The following MTFR1 variants were observed in gnomAD, a reference collection of about 807,000 sequenced individuals.
MTFR1 encodes chondrocyte protein with a poly-proline region.
Under a neutral mutation model 38.8 loss-of-function variants are expected in MTFR1, and 28 were observed. The ratio of observed to expected loss-of-function variants is 0.72; its 90% CI spans 0.53 to 0.99. MTFR1 has a LOEUF of 0.99. Among genes scored for constraint, MTFR1 ranks in the 50% least tolerant of loss-of-function variants. The pLI, the probability that MTFR1 is intolerant of heterozygous loss-of-function variation, is 0.00. For missense variants in MTFR1, 358 were observed against 395.5 expected (o/e 0.91, Z 0.81); for synonymous variants, 145 against 137.0 (o/e 1.06, Z -0.41).
At chr8:65,736,793 T>A (rs1182110174) in intron 3 of MTFR1, among the ~76,000 whole-genome samples, 1 of 150,214 alleles carries the variant, frequency 6.7e-6, no homozygotes, top group Non-Finnish European at 1.5e-5. Flanking sequence ...TTTATCTGTT[T>A]TTTTTTTTTT....
At chr8:65,745,320 G>A in intron 3 of MTFR1, 1 of 799,666 alleles carries the variant, frequency 1.3e-6, no homozygotes, top group Non-Finnish European at 2.2e-6. Flanking sequence ...CCTTAGTACA[G>A]TAAATGAAAG....
Position 65,762,710 on chromosome 8 carries a change from A to C in MTFR1, c.*49-8237A>C, listed in dbSNP as rs183193206. 3.0e-3 allele frequency among the ~76,000 whole-genome samples: 460 copies of C among 152,274 alleles called. 2 individuals are homozygous for C. The highest frequency in any genetic ancestry group is 3.0e-3 in the Non-Finnish European group (203 of 68,042). ...AATATCAAATATTTTTAAATATGTC[A>C]TACCATTTTTTTTAACAAAACCAGA... is the stretch of plus-strand genomic sequence containing the variant. On this transcript the variant is annotated intron_variant, in intron 3 of 3. Transcript: ENST00000521247.
At chr8:65,713,454 ACAC>A (rs1806012147), downstream of MTFR1, among the ~76,000 whole-genome samples, 1 of 129,920 alleles carries the variant, frequency 7.7e-6, no homozygotes, top group African/African-American at 3.0e-5. Context: ...ACACACACAC[ACAC>A]ACACACACAC....
At position 65,709,072 on chromosome 8, in the gene MTFR1, G is replaced by T. The variant is rs548274053; in HGVS notation, c.*28G>T. The T allele has an allele frequency of 1.7e-5, 28 of 1,609,024 alleles. No individual in the cohort carries two copies. In the South Asian group the frequency reaches 2.9e-4, roughly 16 times the overall value. On this transcript the variant is annotated 3_prime_UTR_variant, in exon 8 of 8. Coordinates refer to ENST00000262146, the MANE Select transcript of MTFR1 (RefSeq NM_014637.4). ...GACAATGAGCTGCGAAAAGACTCCTGGTTCCCCTGTTGATTTGTGAGGGCC... is the reference window on the plus strand; with the variant it reads ...GACAATGAGCTGCGAAAAGACTCCTTGTTCCCCTGTTGATTTGTGAGGGCC...
At chr8:65,708,907 G>A in intron 7 of MTFR1, 69 bp from the exon 8 acceptor site, 1 of 1,446,778 alleles carries the variant, frequency 6.9e-7, no homozygotes, top group Non-Finnish European at 9.7e-7. Flanking sequence ...TCCATGATTG[G>A]GAGGTGGGGG....
At chr8:65,739,386 T>C (rs1302888584) in intron 3 of MTFR1, 1 of 1,176,922 alleles carries the variant, frequency 8.5e-7, no homozygotes, top group East Asian at 3.3e-5. Context: ...TTTAAGCCAC[T>C]AATTTTGGCT....
intron 3 of MTFR1, chr8:65,745,589 AG>A: frequency 8.1e-6 from 5 of 616,264 alleles, no homozygotes; most frequent in Non-Finnish European, 8.6e-6. Flanking sequence ...AAAAAATACA[AG>A]TATCATTTTT....
intron 3 of MTFR1, among the ~76,000 whole-genome samples, chr8:65,765,232 G>C (rs1808707659): frequency 6.6e-6 from 1 of 152,040 alleles, no homozygotes; most frequent in Non-Finnish European, 1.5e-5. Context: ...GCTCACGCCT[G>C]TAATCCCAGC....
chr8:65,754,145 AG>A (rs1808103524), intron 3 of MTFR1, among the ~76,000 whole-genome samples: 1 of 152,150 alleles, frequency 6.6e-6, no homozygotes, highest in Non-Finnish European at 1.5e-5. Flanking sequence ...GATCCAGCAC[AG>A]GAGAAAGATG....
At chr8:65,683,418 C>T (rs1327086122) in intron 3 of MTFR1, among the ~76,000 whole-genome samples, 2 of 152,184 alleles carry the variant, frequency 1.3e-5, no homozygotes, top group African/African-American at 2.4e-5. Context: ...GTGTGAGCCA[C>T]TGTGCCTGGC....
intron 2 of MTFR1, among the ~76,000 whole-genome samples, chr8:65,680,677 G>A (rs1804852002): frequency 2.0e-5 from 3 of 152,146 alleles, no homozygotes; most frequent in South Asian, 2.1e-4. Flanking sequence ...ATTCTTTAAA[G>A]TAGAATGATC....
At chr8:65,691,137 T>C (rs1252326793) in intron 3 of MTFR1, among the ~76,000 whole-genome samples, 1 of 152,242 alleles carries the variant, frequency 6.6e-6, no homozygotes, top group Non-Finnish European at 1.5e-5. Context: ...TTTGATCTTA[T>C]ACCTTGAGAA....
At chr8:65,671,410 C>T (rs1315116209) in intron 2 of MTFR1, among the ~76,000 whole-genome samples, 2 of 151,882 alleles carry the variant, frequency 1.3e-5, no homozygotes, top group African/African-American at 4.8e-5. Context: ...TGACACGTAC[C>T]TCTAGTCCCA....
Position 65,663,211 on chromosome 8 carries a change from C to T in MTFR1, c.-80-6662C>T, listed in dbSNP as rs1211673591. On this transcript the variant is annotated intron_variant, in intron 1 of 7. Coordinates refer to ENST00000262146, the MANE Select transcript of MTFR1 (RefSeq NM_014637.4). ...AGAAAAATTCTTCTGCCTTGGGATCCTGTTGATCTGTGACCTTACCCCCAA... is the reference window on the plus strand; with the variant it reads ...AGAAAAATTCTTCTGCCTTGGGATCTTGTTGATCTGTGACCTTACCCCCAA... Among the ~76,000 whole-genome samples, 3 of 152,226 alleles carry T rather than the reference C, an allele frequency of 2.0e-5. No individual in the cohort carries two copies. In the East Asian group the frequency reaches 5.8e-4, roughly 29 times the overall value.
At chr8:65,685,796 A>G (rs142998352) in intron 3 of MTFR1, among the ~76,000 whole-genome samples, 1 of 152,358 alleles carries the variant, frequency 6.6e-6, no homozygotes, top group East Asian at 1.9e-4. Flanking sequence ...TAAATGCCAT[A>G]TAGTATGAAG....
chr8:65,772,025 G>A (rs1486827831), downstream of MTFR1, among the ~76,000 whole-genome samples: 2 of 151,800 alleles, frequency 1.3e-5, no homozygotes, highest in African/African-American at 4.8e-5. Context: ...AAGAGATAAC[G>A]AGGCAGAAAA....
At chr8:65,758,436 T>C (rs1185390029) in intron 3 of MTFR1, among the ~76,000 whole-genome samples, 1 of 152,226 alleles carries the variant, frequency 6.6e-6, no homozygotes, top group East Asian at 1.9e-4. Flanking sequence ...GTTATACTAG[T>C]GCACTTCTCC....
At chr8:65,682,036 T>C (rs1804910197) in intron 2 of MTFR1, 1 of 159,230 alleles carries the variant, frequency 6.3e-6, no homozygotes, top group Non-Finnish European at 1.4e-5. Flanking sequence ...ATAGTGTTTC[T>C]GTTGCAGAAT....
intron 3 of MTFR1, chr8:65,724,721 G>GTT (rs1806537597): frequency 7.0e-7 from 1 of 1,424,600 alleles, no homozygotes; most frequent in Middle Eastern, 1.8e-4. Context: ...TCATTTTTTA[G>GTT]TTTGACAGTC....
Sources: gnomAD v4.1 joint callset for allele counts (sites outside exome capture counted in the v4.1 genomes callset) on GRCh38, gnomAD v4.1.1 for gene constraint, MANE v1.5 for transcripts, NCBI Gene and HGNC (gene_info 2026-07-23, HGNC 2026-07-21) for gene names.